The following NRDE2 variants were observed in gnomAD, a reference collection of about 807,000 sequenced individuals.
NRDE2 encodes nuclear exosome regulator NRDE2.
NRDE2 carries 76 observed loss-of-function variants against 124.2 expected under a neutral mutation model. The observed-to-expected ratio is 0.61, with a 90% CI of 0.51 to 0.74. The LOEUF is 0.74. Among genes scored for constraint, NRDE2 ranks in the 30% least tolerant of loss-of-function variants. The pLI, the probability that NRDE2 is intolerant of heterozygous loss-of-function variation, is 0.00. For missense variants in NRDE2, 1,314 were observed against 1,417.3 expected (o/e 0.93, Z 1.17); for synonymous variants, 489 against 528.1 (o/e 0.93, Z 1.01).
chr14:90,317,115 C>T (rs181714758), intron 2 of NRDE2, among the ~76,000 whole-genome samples: 1 of 152,040 alleles, frequency 6.6e-6, no homozygotes. Flanking sequence ...ATTTTTAAGA[C>T]ATTATTAAAG....
intron 1 of NRDE2, among the ~76,000 whole-genome samples, chr14:90,325,921 GT>G (rs749149275): frequency 2.0e-5 from 3 of 151,884 alleles, no homozygotes; most frequent in East Asian, 1.9e-4. Context: ...GGAGTTTAAC[GT>G]TTTTTTTAAT....
chr14:90,299,270 A>G (rs1884298924), intron 7 of NRDE2, among the ~76,000 whole-genome samples: 1 of 151,536 alleles, frequency 6.6e-6, no homozygotes. Context: ...CTGGTCTCCA[A>G]CTCCTGACCT....
chr14:90,315,957 CAAAA>C (rs59604203), intron 3 of NRDE2, among the ~76,000 whole-genome samples: 1 of 74,408 alleles, frequency 1.3e-5, no homozygotes, highest in Non-Finnish European at 2.5e-5. Flanking sequence ...AACCCCGTCT[CAAAA>C]AAAAAAAAAA....
At position 90,288,536 on chromosome 14, in the gene NRDE2, C is replaced by T; in HGVS notation, c.2839G>A (p.Asp947Asn). The T allele has an allele frequency of 6.2e-7, 1 of 1,614,128 alleles. No homozygotes were observed. The highest frequency in any genetic ancestry group is 1.7e-5 in the Admixed American group (1 of 60,026). Residue 947 changes from aspartate (D) to asparagine (N), a missense_variant, in exon 11 of 14, where the codon GAC becomes AAC. By Grantham distance (23) the Asp-to-Asn change is conservative (BLOSUM62 1). Transcript: ENST00000354366. ...SVFPEGSGEG[D>N]SASSQSWTSV... is the part of the protein sequence containing the mutation. ...GTCCAACTCTGGGAGCTGGCACTGT[C>T]CCCCTCGCCAGAGCCTTCTGGGAAA...
intron 4 of NRDE2, among the ~76,000 whole-genome samples, chr14:90,307,901 A>T (rs1424322723): frequency 6.6e-6 from 1 of 152,162 alleles, no homozygotes; most frequent in Non-Finnish European, 1.5e-5. Context: ...GACTTCAGGC[A>T]CATGCCACCA....
rs1367346263 is a variant in NRDE2 at position 90,289,394 on chromosome 14, GTTC to G, written c.2230-252_2230-250del. On this transcript the variant is annotated intron_variant, in intron 10 of 13. Transcript: ENST00000354366. ...ATAAACAAAGCTGATACCTACAAAT[GTTC>G]TTCTCCAAAGAGATGTGGCCACAAC... is the stretch of plus-strand genomic sequence containing the variant. Among the ~76,000 whole-genome samples, 6 of 152,166 alleles carry G rather than the reference GTTC, an allele frequency of 3.9e-5. No homozygotes were observed. The South Asian group carries it at 1.0e-3, about 26-fold the overall frequency.
At chr14:90,292,011 T>C (rs993467247) in intron 9 of NRDE2, among the ~76,000 whole-genome samples, 1 of 152,244 alleles carries the variant, frequency 6.6e-6, no homozygotes, top group Non-Finnish European at 1.5e-5. Context: ...CTGGTTAAAC[T>C]GGATCAATTC....
chr14:90,305,377 A>G (rs1884560821), intron 4 of NRDE2, among the ~76,000 whole-genome samples: 3 of 152,244 alleles, frequency 2.0e-5, no homozygotes, highest in Admixed American at 2.0e-4. Context: ...TTTCTTAAAA[A>G]ATTCAACACA....
At position 90,304,268 on chromosome 14, in the gene NRDE2, A is replaced by C. The variant is rs1309166588; in HGVS notation, c.672T>G (p.Phe224Leu). 2.0e-5 allele frequency: 32 copies of C among 1,614,036 alleles called. No homozygotes were observed. The highest frequency in any genetic ancestry group is 5.9e-6 in the Non-Finnish European group (7 of 1,180,032). Reference protein sequence around the residue: ...KHSRKQVERYFTKKSVGLMNI... With the variant: ...KHSRKQVERYLTKKSVGLMNI... The stretch of plus-strand genomic sequence containing the variant: ...TCATTAATCCCACACTCTTCTTAGT[A>C]AAATAGCGTTCAACCTGCTTGCGTG... Residue 224 changes from phenylalanine to leucine, a missense_variant, in exon 5 of 14, where the codon TTT becomes TTG. Coordinates refer to ENST00000354366, the MANE Select transcript of NRDE2 (RefSeq NM_017970.4).
Position 90,269,575 on chromosome 14 carries a change from G to A in NRDE2, c.*8761C>T, listed in dbSNP as rs774126534. ...TTAAATTTGCTTTGGTTTCATCATGGAGATTAATGTGTTTATATATTTGTG... is the reference window on the plus strand; with the variant it reads ...TTAAATTTGCTTTGGTTTCATCATGAAGATTAATGTGTTTATATATTTGTG... On this transcript the variant is annotated 3_prime_UTR_variant, in exon 14 of 14. Transcript: ENST00000354366. The A allele has an allele frequency of 6.2e-7, 1 of 1,608,082 alleles. No individual in the cohort carries two copies. The highest frequency in any genetic ancestry group is 1.3e-5 in the African/African-American group (1 of 74,708).
chr14:90,312,908 A>C (rs1393165954), intron 3 of NRDE2, among the ~76,000 whole-genome samples: 2 of 152,212 alleles, frequency 1.3e-5, no homozygotes, highest in Non-Finnish European at 2.9e-5. Context: ...TTTCCTAAAA[A>C]GTATTCCTGC....
chr14:90,310,521 CTT>C (rs35448297), intron 4 of NRDE2, among the ~76,000 whole-genome samples: 41,175 of 135,988 alleles, frequency 0.3, 5,796 homozygotes, highest in South Asian at 0.35. Flanking sequence ...GTTGACTGCC[CTT>C]TTTTTTTTTT....
chr14:90,286,258 G>T, intron 12 of NRDE2, 96 bp downstream of exon 12: 2 of 1,403,210 alleles, frequency 1.4e-6, no homozygotes, highest in South Asian at 1.4e-5. Flanking sequence ...CAGCTCTCCT[G>T]GGCAGGGGCT....
At chr14:90,321,143 T>C (rs1885225796) in intron 1 of NRDE2, among the ~76,000 whole-genome samples, 1 of 152,204 alleles carries the variant, frequency 6.6e-6, no homozygotes, top group African/African-American at 2.4e-5. Context: ...ATATTCTAGA[T>C]AGTGATGACA....
intron 4 of NRDE2, 25 bp from the exon 5 acceptor site, chr14:90,304,407 T>G (rs1283860104): frequency 7.8e-6 from 12 of 1,538,730 alleles, no homozygotes; most frequent in Non-Finnish European, 1.1e-5. Flanking sequence ...AGAAAAAAAG[T>G]TACTGAGGGA....
chr14:90,321,062 G>A (rs1271464793), intron 1 of NRDE2, among the ~76,000 whole-genome samples: 2 of 152,096 alleles, frequency 1.3e-5, no homozygotes, highest in African/African-American at 4.8e-5. Context: ...TCATGAAAAA[G>A]TGGAAAAAGA....
At position 90,316,585 on chromosome 14, in the gene NRDE2, C is replaced by G. The variant is rs1190192712; in HGVS notation, c.400G>C (p.Glu134Gln). Residue 134 changes from glutamate to glutamine, a missense_variant, in exon 3 of 14, where the codon GAA becomes CAA. Transcript: ENST00000354366. ...TTGAGAACAGCAACCTACTTCGGTT[C>G]CTCAGATTCCTTTTTACTGCCTCCA... ...GVGGSKKESE[E>Q]PNQGNNAAAD... is the part of the protein sequence containing the mutation. 3 of 1,608,744 alleles carry G rather than the reference C, an allele frequency of 1.9e-6. No individual in the cohort carries two copies. The highest frequency in any genetic ancestry group is 2.5e-6 in the Non-Finnish European group (3 of 1,177,842).
chr14:90,311,523 C>T (rs1884837685), intron 4 of NRDE2, among the ~76,000 whole-genome samples: 1 of 152,148 alleles, frequency 6.6e-6, no homozygotes, highest in Non-Finnish European at 1.5e-5. Flanking sequence ...GAGCAGCCAC[C>T]ATGTAAGACG....
chr14:90,326,265 C>T (rs1051043581), intron 1 of NRDE2, among the ~76,000 whole-genome samples: 7 of 151,736 alleles, frequency 4.6e-5, no homozygotes, highest in Non-Finnish European at 8.8e-5. Flanking sequence ...GAGGCCGAGG[C>T]GGGTGGATCA....
Sources: allele counts gnomAD v4.1 joint callset (sites outside exome capture counted in the v4.1 genomes callset), GRCh38; gene constraint gnomAD v4.1.1; transcripts MANE v1.5; gene names NCBI Gene and HGNC (gene_info 2026-07-23, HGNC 2026-07-21).